Variants in CTIF observed in about 807,000 individuals in gnomAD.
CTIF encodes CBP80/20-dependent translation initiation factor.
In CTIF, 21 loss-of-function variants were observed where a neutral mutation model predicts 66.0. The observed-to-expected ratio is 0.32, with a 90% CI of 0.23 to 0.46. CTIF has a LOEUF of 0.46. CTIF is among the 20% of genes least tolerant of loss of function. The pLI, the probability that CTIF is intolerant of heterozygous loss-of-function variation, is 1.00. For synonymous variants in CTIF, 345 were observed against 326.4 expected, an observed-to-expected ratio of 1.06 and a Z score of -0.62; for missense variants, 739 against 812.7, an observed-to-expected ratio of 0.91 and a Z score of 1.10.
intron 1 of CTIF, among the ~76,000 whole-genome samples, chr18:48,546,638 G>A (rs964935518): frequency 6.6e-6 from 1 of 152,108 alleles, no homozygotes; most frequent in Non-Finnish European, 1.5e-5. Flanking sequence ...GGTTGGGAGA[G>A]GTGTTGAGGG....
intron 1 of CTIF, among the ~76,000 whole-genome samples, chr18:48,586,345 T>G (rs191818974): frequency 6.6e-6 from 1 of 151,738 alleles, no homozygotes; most frequent in Admixed American, 6.6e-5. Context: ...GGCTCAATCT[T>G]AGCTCACCAC....
Position 48,644,879 on chromosome 18 carries a change from T to G in CTIF, c.252+8194T>G, listed in dbSNP as rs887047684. ...TTGCACCTGGGTTTAGGAGATGTGC[T>G]TTCAGCCTGGGCTGTGCTTCCAACT... On this transcript the variant is annotated intron_variant, in intron 3 of 11. Coordinates refer to ENST00000256413, the MANE Select transcript of CTIF (RefSeq NM_014772.3). 2.6e-5 allele frequency among the ~76,000 whole-genome samples: 4 copies of G among 152,216 alleles called. No individual in the cohort carries two copies. The South Asian group carries it at 6.2e-4, about 24-fold the overall frequency.
chr18:48,659,231 C>T (rs967004739), intron 3 of CTIF, among the ~76,000 whole-genome samples: 2 of 152,072 alleles, frequency 1.3e-5, no homozygotes, highest in South Asian at 2.1e-4. Flanking sequence ...GGAGTGCGGC[C>T]CCTGTGTCCA....
At chr18:48,671,785 C>T (rs1197826966) in intron 6 of CTIF, among the ~76,000 whole-genome samples, 1 of 150,982 alleles carries the variant, frequency 6.6e-6, no homozygotes, top group Non-Finnish European at 1.5e-5. Context: ...TTTCCCATGG[C>T]TCACCAAAGC....
intron 10 of CTIF, among the ~76,000 whole-genome samples, chr18:48,823,118 TTC>T (rs1405689329): frequency 6.6e-6 from 1 of 152,262 alleles, no homozygotes; most frequent in Non-Finnish European, 1.5e-5. Context: ...TACTTTGTCT[TTC>T]TCTCTGCTGA....
Position 48,844,691 on chromosome 18 carries a change from G to A in CTIF, c.1528-12897G>A, listed in dbSNP as rs556361195. Reference sequence around the variant, plus strand: ...ATCTGACCATAACCACCATACCAAGGCTCCATGTTAGACTGGTGGAAAAGT... The same window carrying A: ...ATCTGACCATAACCACCATACCAAGACTCCATGTTAGACTGGTGGAAAAGT... On this transcript the variant is annotated intron_variant, in intron 10 of 11. Transcript: ENST00000256413. 2.0e-4 allele frequency among the ~76,000 whole-genome samples: 31 copies of A among 152,302 alleles called. No homozygotes were observed. In the South Asian group the frequency reaches 5.0e-3, roughly 24 times the overall value.
At chr18:48,778,208 T>C (rs1440747477) in intron 9 of CTIF, among the ~76,000 whole-genome samples, 2 of 151,734 alleles carry the variant, frequency 1.3e-5, no homozygotes, top group East Asian at 3.9e-4. Context: ...GAGGGCATTC[T>C]CAGCCATCTT....
intron 6 of CTIF, among the ~76,000 whole-genome samples, chr18:48,698,561 G>A (rs1456857401): frequency 6.6e-6 from 1 of 152,116 alleles, no homozygotes; most frequent in Admixed American, 6.5e-5. Flanking sequence ...GAAATGTTGG[G>A]CACCACTAAT....
At chr18:48,643,867 G>A (rs529856921) in intron 3 of CTIF, among the ~76,000 whole-genome samples, 3 of 152,202 alleles carry the variant, frequency 2.0e-5, no homozygotes, top group Non-Finnish European at 4.4e-5. Flanking sequence ...AGGAAGCTCA[G>A]AGGTCACCTG....
chr18:48,557,660 T>A (rs1236639618), intron 1 of CTIF, among the ~76,000 whole-genome samples: 1 of 152,226 alleles, frequency 6.6e-6, no homozygotes, highest in Non-Finnish European at 1.5e-5. Context: ...ATAATGAAAC[T>A]CCACAGACTG....
At chr18:48,760,964 T>C (rs149044851) in intron 8 of CTIF, 247 of 161,600 alleles carry the variant, frequency 1.5e-3, no homozygotes, top group Non-Finnish European at 2.0e-3. Context: ...TAACCACCAC[T>C]GCAGGCATTT....
At chr18:48,588,162 A>G (rs1433976286) in intron 1 of CTIF, among the ~76,000 whole-genome samples, 3 of 152,148 alleles carry the variant, frequency 2.0e-5, no homozygotes, top group Non-Finnish European at 2.9e-5. Context: ...TGGCAGCTCC[A>G]TGGGCATTCT....
At chr18:48,637,149 C>T (rs897982438) in intron 3 of CTIF, among the ~76,000 whole-genome samples, 4 of 152,184 alleles carry the variant, frequency 2.6e-5, no homozygotes, top group Non-Finnish European at 5.9e-5. Flanking sequence ...GGAGGGGCAG[C>T]CTGTGGGGGA....
At chr18:48,774,258 C>T (rs1287080756) in intron 9 of CTIF, among the ~76,000 whole-genome samples, 2 of 152,182 alleles carry the variant, frequency 1.3e-5, no homozygotes, top group Non-Finnish European at 2.9e-5. Context: ...CCAGGAGAGG[C>T]GGATACACTC....
intron 5 of CTIF, among the ~76,000 whole-genome samples, chr18:48,666,429 A>G (rs1285228498): frequency 1.3e-5 from 2 of 152,252 alleles, no homozygotes; most frequent in Non-Finnish European, 2.9e-5. Flanking sequence ...ACTTGCCTGA[A>G]TAACAGAGCC....
At chr18:48,570,116 G>C (rs1228266994) in intron 1 of CTIF, among the ~76,000 whole-genome samples, 2 of 152,214 alleles carry the variant, frequency 1.3e-5, no homozygotes, top group African/African-American at 4.8e-5. Flanking sequence ...TGGAAGAGCA[G>C]AGATCCAAAC....
At chr18:48,668,899 T>G (rs1016478693) in intron 5 of CTIF, among the ~76,000 whole-genome samples, 2 of 152,020 alleles carry the variant, frequency 1.3e-5, no homozygotes, top group Non-Finnish European at 2.9e-5. Flanking sequence ...GTGCACTGTT[T>G]ACACCTGGGT....
chr18:48,828,535 A>T (rs931477247), intron 10 of CTIF, among the ~76,000 whole-genome samples: 16 of 152,172 alleles, frequency 1.1e-4, no homozygotes, highest in African/African-American at 1.9e-4. Flanking sequence ...CCTCCTAATT[A>T]GGGAGAGAGA....
At chr18:48,748,719 T>G (rs1907499208) in intron 7 of CTIF, among the ~76,000 whole-genome samples, 1 of 152,180 alleles carries the variant, frequency 6.6e-6, no homozygotes, top group South Asian at 2.1e-4. Context: ...AGGCTTTCTC[T>G]CCAGATGAGA....
Sources: allele counts gnomAD v4.1 joint callset (sites outside exome capture counted in the v4.1 genomes callset), GRCh38; gene constraint gnomAD v4.1.1; transcripts MANE v1.5; gene names NCBI Gene and HGNC (gene_info 2026-07-23, HGNC 2026-07-21).